APIP: variants seen among roughly 807,000 people sequenced by gnomAD.
APIP encodes the protein APAF1 interacting protein.
APIP carries 32 observed loss-of-function variants against 32.0 expected under a neutral mutation model. That is an observed-to-expected ratio of 1.00 (90% CI 0.76 to 1.34). The LOEUF (loss-of-function observed/expected upper bound fraction) is 1.34. Ranked by LOEUF, APIP falls within the 40% of genes most tolerant of loss-of-function variation. APIP has a pLI of 0.00. For synonymous variants in APIP, 92 were observed against 94.8 expected (o/e 0.97, Z 0.17); for missense variants, 247 against 298.6 (o/e 0.83, Z 1.27).
At chr11:34,915,954 C>G (rs1262354712) in intron 1 of APIP, 1 of 560,536 alleles carries the variant, frequency 1.8e-6, no homozygotes, top group African/African-American at 2.0e-5. Flanking sequence ...GTCACCTAAA[C>G]GCTCTCCTCT....
intron 6 of APIP, 49 bp downstream of exon 6, chr11:34,883,288 C>T (rs1224066742): frequency 1.3e-6 from 2 of 1,532,472 alleles, no homozygotes; most frequent in African/African-American, 2.8e-5. Flanking sequence ...TTTTCCTTCA[C>T]ATTTAGCGGG....
intron 1 of APIP, among the ~76,000 whole-genome samples, chr11:34,915,018 A>G (rs2133928543): frequency 7.2e-6 from 1 of 138,300 alleles, no homozygotes; most frequent in South Asian, 2.2e-4. Context: ...AAAAAAAAAA[A>G]AAAAAAAAGG....
chr11:34,913,180 AGCAATCCCCAG>A (rs1853585611), intron 1 of APIP, among the ~76,000 whole-genome samples: 1 of 152,172 alleles, frequency 6.6e-6, no homozygotes, highest in East Asian at 1.9e-4. Flanking sequence ...AACTCTAGCC[AGCAATCCCCAG>A]GCCTTCTTCA....
Position 34,905,656 on chromosome 11 carries a change from G to C in APIP, c.58-10546C>G, listed in dbSNP as rs148420160. ...TTAGTTCAAATATTTAGGGAGGAGA[G>C]TGCAACAAGGGTGATCTAAAAGGAT... On this transcript the variant is annotated intron_variant, in intron 1 of 6. Coordinates refer to ENST00000395787, the MANE Select transcript of APIP (RefSeq NM_015957.4). 2.0e-4 allele frequency among the ~76,000 whole-genome samples: 30 copies of C among 152,282 alleles called. No individual in the cohort carries two copies. In the East Asian group the frequency reaches 5.8e-3, roughly 29 times the overall value.
chr11:34,896,037 T>A (rs1450619770), intron 1 of APIP, among the ~76,000 whole-genome samples: 1 of 152,128 alleles, frequency 6.6e-6, no homozygotes, highest in Non-Finnish European at 1.5e-5. Context: ...ACAGGGGCCA[T>A]AAAAAATGAG....
chr11:34,912,908 G>C (rs1373941955), intron 1 of APIP, among the ~76,000 whole-genome samples: 2 of 152,128 alleles, frequency 1.3e-5, no homozygotes, highest in African/African-American at 4.8e-5. Flanking sequence ...ACCACATGCT[G>C]AGGCTGTACC....
chr11:34,908,744 T>G (rs1393618119), intron 1 of APIP, among the ~76,000 whole-genome samples: 2 of 152,188 alleles, frequency 1.3e-5, no homozygotes, highest in Non-Finnish European at 2.9e-5. Flanking sequence ...TATATCTGTC[T>G]TAATGAAGGA....
In APIP at chr11:34,889,477, C is replaced by CT. The variant is rs941965336; in HGVS notation, c.208-609dup. 4.2e-3 allele frequency among the ~76,000 whole-genome samples: 602 copies of CT among 144,632 alleles called. 3 individuals carry two copies. The highest frequency in any genetic ancestry group is 6.4e-3 in the Non-Finnish European group (419 of 65,248). 94.9% of individuals were successfully genotyped at this position (144,632 alleles called of 152,430 possible). A position where few individuals can be genotyped will look rare whatever the true frequency, so the allele number is the denominator to read the frequency against. ...AAATTATGTAGATCTACAGGTTTTTCTTTTTTTTTTTAACTTTTATTTTAG... is the reference window on the plus strand; with the variant it reads ...AAATTATGTAGATCTACAGGTTTTTCTTTTTTTTTTTTAACTTTTATTTTAG... On this transcript the variant is annotated intron_variant, in intron 3 of 6. Coordinates refer to ENST00000395787, the MANE Select transcript of APIP (RefSeq NM_015957.4).
intron 5 of APIP, among the ~76,000 whole-genome samples, chr11:34,886,995 C>A (rs895015521): frequency 8.5e-5 from 13 of 152,116 alleles, no homozygotes; most frequent in Non-Finnish European, 1.6e-4. Context: ...TAAAAAAATA[C>A]AGTAGAGAAT....
At chr11:34,893,045 T>G (rs904557460) in intron 2 of APIP, among the ~76,000 whole-genome samples, 3 of 152,128 alleles carry the variant, frequency 2.0e-5, no homozygotes, top group Non-Finnish European at 4.4e-5. Flanking sequence ...TCCACACCCA[T>G]TAAGAACTAA....
intron 1 of APIP, among the ~76,000 whole-genome samples, chr11:34,903,381 A>G (rs974587757): frequency 6.6e-6 from 1 of 152,250 alleles, no homozygotes; most frequent in Non-Finnish European, 1.5e-5. Flanking sequence ...CAAGTGCTCA[A>G]TTAGCTGAGC....
intron 1 of APIP, among the ~76,000 whole-genome samples, chr11:34,906,575 C>A (rs548523348): frequency 1.3e-5 from 2 of 152,136 alleles, no homozygotes; most frequent in Non-Finnish European, 2.9e-5. Context: ...CATAGAGGCA[C>A]GACAGCAATC....
rs373941003 is a variant in APIP, at chr11:34,900,277, A to G, written c.58-5167T>C. The stretch of plus-strand genomic sequence containing the variant: ...CTTTCCCAGAGCTAAAGTAGGTTCC[A>G]AAGGAGCAATCTGAGACAGCTATTG... On this transcript the variant is annotated intron_variant, in intron 1 of 6. Transcript: ENST00000395787. 2.3e-3 allele frequency among the ~76,000 whole-genome samples: 347 copies of G among 152,312 alleles called. 4 individuals are homozygous for G. The highest frequency in any genetic ancestry group is 8.1e-3 in the African/African-American group (338 of 41,548).
At chr11:34,901,023 A>G (rs909760957) in intron 1 of APIP, among the ~76,000 whole-genome samples, 2 of 152,112 alleles carry the variant, frequency 1.3e-5, no homozygotes, top group Non-Finnish European at 2.9e-5. Flanking sequence ...CCAATATTAA[A>G]AGGAAACTAT....
At chr11:34,894,273 T>C (rs1853229881) in intron 2 of APIP, among the ~76,000 whole-genome samples, 1 of 152,184 alleles carries the variant, frequency 6.6e-6, no homozygotes, top group South Asian at 2.1e-4. Flanking sequence ...ACTATATTCA[T>C]TAATGATACA....
chr11:34,888,838 T>C lies in APIP; in HGVS notation c.239A>G (p.Glu80Gly), dbSNP rs745374302. The change falls in exon 4 of 7, where the codon GAA becomes GGA. Residue 80 changes from glutamate to glycine, a missense_variant. Coordinates refer to ENST00000395787, the MANE Select transcript of APIP (RefSeq NM_015957.4). Reference sequence around the variant, plus strand: ...TGGCGAAGGTCCACTTATGTCCTTTTCATTTATATCACAAACAAACATGTC... The same window carrying C: ...TGGCGAAGGTCCACTTATGTCCTTTCCATTTATATCACAAACAAACATGTC... ...PEDMFVCDIN[E>G]KDISGPSPSK... The C allele has an allele frequency of 6.7e-7, 1 of 1,502,024 alleles. No homozygotes were observed. The highest frequency in any genetic ancestry group is 8.8e-7 in the Non-Finnish European group (1 of 1,136,456). The allele number at this position is 1,502,024 out of a possible 1,614,324, so 93.0% of individuals were successfully genotyped here. A position where few individuals can be genotyped will look rare whatever the true frequency, so the allele number is the denominator to read the frequency against.
At chr11:34,884,195 T>C (rs1853018528) in intron 5 of APIP, among the ~76,000 whole-genome samples, 1 of 152,172 alleles carries the variant, frequency 6.6e-6, no homozygotes, top group Non-Finnish European at 1.5e-5. Flanking sequence ...CAGATAAGCT[T>C]TCCTTTTTAC....
intron 1 of APIP, among the ~76,000 whole-genome samples, chr11:34,913,276 C>T (rs1383498999): frequency 1.3e-5 from 2 of 152,224 alleles, no homozygotes; most frequent in African/African-American, 2.4e-5. Flanking sequence ...TAGGTCTGGT[C>T]CTAGTTTGTC....
chr11:34,886,443 A>C (rs1285365346), intron 5 of APIP, among the ~76,000 whole-genome samples: 1 of 152,170 alleles, frequency 6.6e-6, no homozygotes, highest in African/African-American at 2.4e-5. Context: ...AAGTTAAAAA[A>C]AAAAAGTAAA....
Sources: gnomAD v4.1 joint callset for allele counts (sites outside exome capture counted in the v4.1 genomes callset) on GRCh38, gnomAD v4.1.1 for gene constraint, MANE v1.5 for transcripts, NCBI Gene and HGNC (gene_info 2026-07-23, HGNC 2026-07-21) for gene names.